Variants in CDK19 observed in about 807,000 individuals in gnomAD.
CDK19 encodes the protein cyclin dependent kinase 19.
Under a neutral mutation model 68.3 loss-of-function variants are expected in CDK19, and 20 were observed. The observed-to-expected ratio is 0.29, with a 90% CI of 0.21 to 0.43. The LOEUF is 0.43. Among genes scored for constraint, CDK19 ranks in the 20% least tolerant of loss-of-function variants. The probability of loss-of-function intolerance (pLI) is 1.00; values close to 1 mark genes in which losing one functional copy is unlikely to be tolerated. For missense variants in CDK19, 339 were observed against 623.5 expected, an observed-to-expected ratio of 0.54 and a Z score of 4.86; for synonymous variants, 221 against 222.8, an observed-to-expected ratio of 0.99 and a Z score of 0.07.
At chr6:110,644,331 T>C (rs912958985) in intron 4 of CDK19, among the ~76,000 whole-genome samples, 2 of 148,950 alleles carry the variant, frequency 1.3e-5, no homozygotes, top group African/African-American at 2.5e-5. Flanking sequence ...TTTATGGAGA[T>C]AGAGAGTAGA....
At chr6:110,746,009 T>C in intron 2 of CDK19, 117 bp downstream of exon 2, 1 of 481,130 alleles carries the variant, frequency 2.1e-6, no homozygotes, top group Non-Finnish European at 3.5e-6. Flanking sequence ...AAAATATTCT[T>C]AAACTAACAT....
rs1248726839 is a variant in CDK19, at chr6:110,613,595, T to C, written c.*940A>G. The C allele has an allele frequency of 6.6e-6, 1 of 152,610 alleles. No homozygotes were observed. Among genetic ancestry groups the C allele is most frequent in the Admixed American group, 6.5e-5 (1 of 15,278 alleles). 9.5% of individuals were successfully genotyped at this position (152,610 alleles called of 1,614,324 possible). ...GTTCTTTAGAGAAGCCGACTTTATGTACAATACACACTAAAAACTTTTCCT... is the reference window on the plus strand; with the variant it reads ...GTTCTTTAGAGAAGCCGACTTTATGCACAATACACACTAAAAACTTTTCCT... On this transcript the variant is annotated 3_prime_UTR_variant, in exon 13 of 13. Coordinates refer to ENST00000368911, the MANE Select transcript of CDK19 (RefSeq NM_015076.5).
At chr6:110,788,945 T>C (rs1050205466) in intron 1 of CDK19, among the ~76,000 whole-genome samples, 1 of 152,222 alleles carries the variant, frequency 6.6e-6, no homozygotes, top group Admixed American at 6.5e-5. Flanking sequence ...ATTCAAACTT[T>C]ACAGTATTCC....
At chr6:110,767,418 G>C (rs1004741925) in intron 1 of CDK19, among the ~76,000 whole-genome samples, 2 of 151,524 alleles carry the variant, frequency 1.3e-5, no homozygotes, top group East Asian at 3.9e-4. Flanking sequence ...AGGAGTTCGA[G>C]ACCAGCCTGG....
chr6:110,777,632 C>T (rs1413040155), intron 1 of CDK19, among the ~76,000 whole-genome samples: 2 of 152,154 alleles, frequency 1.3e-5, no homozygotes, highest in South Asian at 4.1e-4. Context: ...TCCAGCAGTT[C>T]CACTTCTGGG....
At position 110,815,041 on chromosome 6, in the gene CDK19, G is replaced by A; in HGVS notation, c.96C>T (p.Tyr32=). 3 of 1,604,392 alleles carry A rather than the reference G, an allele frequency of 1.9e-6. No homozygotes were observed. Among genetic ancestry groups the A allele is most frequent in the East Asian group, 2.3e-5 (1 of 43,322 alleles). ...TCCGCCTCGCCTTGTAGACGTGACCGTAGGTGCCGCGTCCCACTTTGCACC... is the reference window on the plus strand; with the variant it reads ...TCCGCCTCGCCTTGTAGACGTGACCATAGGTGCCGCGTCCCACTTTGCACC... ...YEGCKVGRGT[Y]GHVYKARRKD... Residue 32 remains tyrosine, a synonymous_variant, in exon 1 of 13, where the codon TAC becomes TAT. Transcript: ENST00000368911.
At chr6:110,764,051 A>G (rs1158731023) in intron 1 of CDK19, among the ~76,000 whole-genome samples, 1 of 152,192 alleles carries the variant, frequency 6.6e-6, no homozygotes, top group Non-Finnish European at 1.5e-5. Context: ...ACAAAAGTAT[A>G]AAATATATAT....
chr6:110,768,699 G>C (rs1779761709), intron 1 of CDK19, among the ~76,000 whole-genome samples: 1 of 152,196 alleles, frequency 6.6e-6, no homozygotes, highest in Non-Finnish European at 1.5e-5. Flanking sequence ...AAAAAGATCA[G>C]TGGTTGTCAG....
intron 2 of CDK19, among the ~76,000 whole-genome samples, chr6:110,730,871 G>T (rs1305488781): frequency 6.6e-6 from 1 of 152,092 alleles, no homozygotes; most frequent in Non-Finnish European, 1.5e-5. Context: ...GGCCAACATG[G>T]TGATACCCCA....
chr6:110,667,423 A>G lies in CDK19; in HGVS notation c.456+11T>C. 1 of 1,536,130 alleles carries G rather than the reference A, an allele frequency of 6.5e-7. No homozygotes were observed. Among genetic ancestry groups the G allele is most frequent in the Non-Finnish European group, 8.8e-7 (1 of 1,135,474 alleles). On this transcript the variant is annotated intron_variant, in intron 4 of 12. Transcript: ENST00000368911. ...AAAACATATTGATGAATTTAAAAGA[A>G]AAATACTTACCAAGTCTCTGTGAAG...
At chr6:110,617,204 AAACCTAAAAAT>A (rs1397953231) in intron 12 of CDK19, among the ~76,000 whole-genome samples, 1 of 152,184 alleles carries the variant, frequency 6.6e-6, no homozygotes, top group East Asian at 1.9e-4. Context: ...ACCAGCTGTG[AAACCTAAAAAT>A]ATTACTCTAA....
intron 1 of CDK19, among the ~76,000 whole-genome samples, chr6:110,789,414 G>A (rs749248814): frequency 3.9e-5 from 6 of 152,104 alleles, no homozygotes; most frequent in Non-Finnish European, 8.8e-5. Context: ...AGATAGCTGG[G>A]ACTACAGGCA....
chr6:110,780,321 C>T (rs1780713726), intron 1 of CDK19, among the ~76,000 whole-genome samples: 1 of 144,748 alleles, frequency 6.9e-6, no homozygotes, highest in Non-Finnish European at 1.5e-5. Context: ...ACCTGGGAGG[C>T]AGAGGTTGCA....
At chr6:110,758,587 GT>G (rs2114938290) in intron 1 of CDK19, among the ~76,000 whole-genome samples, 1 of 152,234 alleles carries the variant, frequency 6.6e-6, no homozygotes, top group African/African-American at 2.4e-5. Flanking sequence ...TTGTTCATTA[GT>G]CTTGGTCATT....
chr6:110,623,800 A>C (rs141479439), intron 8 of CDK19, among the ~76,000 whole-genome samples: 1,827 of 147,778 alleles, frequency 0.012, 34 homozygotes, highest in African/African-American at 0.043. Context: ...ATATACACAC[A>C]CATATACACA....
chr6:110,762,412 G>A lies in CDK19; in HGVS notation c.129-16211C>T, dbSNP rs1222866739. Among the ~76,000 whole-genome samples the A allele has an allele frequency of 3.3e-4, 50 of 152,160 alleles. 1 individual carries two copies. Among genetic ancestry groups the A allele is most frequent in the Non-Finnish European group, 4.4e-5 (3 of 68,032 alleles). Reference sequence around the variant, plus strand: ...CCAAGCATGTGTATGCACTATACAAGTAGCATTCATCATATACCACTTTGT... The same window carrying A: ...CCAAGCATGTGTATGCACTATACAAATAGCATTCATCATATACCACTTTGT... On this transcript the variant is annotated intron_variant, in intron 1 of 12. Coordinates refer to ENST00000368911, the MANE Select transcript of CDK19 (RefSeq NM_015076.5).
chr6:110,760,266 C>T (rs1456038862), intron 1 of CDK19, among the ~76,000 whole-genome samples: 1 of 151,656 alleles, frequency 6.6e-6, no homozygotes, highest in Admixed American at 6.6e-5. Flanking sequence ...CATGGTGGCA[C>T]GTGCCTTACA....
intron 2 of CDK19, among the ~76,000 whole-genome samples, chr6:110,675,551 T>C (rs1168932209): frequency 7.3e-6 from 1 of 136,278 alleles, no homozygotes; most frequent in African/African-American, 2.8e-5. Context: ...CACTTGAACC[T>C]GGGAGGCGGA....
At chr6:110,766,989 A>C (rs2341860) in intron 1 of CDK19, among the ~76,000 whole-genome samples, 129,612 of 151,930 alleles carry the variant, frequency 0.85, 55,586 homozygotes, top group African/African-American at 0.95. Flanking sequence ...CCAAAATAAG[A>C]TGGGCATTGT....
Sources: gnomAD v4.1 joint callset for allele counts (sites outside exome capture counted in the v4.1 genomes callset) on GRCh38, gnomAD v4.1.1 for gene constraint, MANE v1.5 for transcripts, NCBI Gene and HGNC (gene_info 2026-07-23, HGNC 2026-07-21) for gene names.